The following MAN2A1 variants were observed in gnomAD, a reference collection of about 807,000 sequenced individuals.
The protein encoded by MAN2A1 is alpha-mannosidase 2.
A neutral mutation model predicts 142.6 loss-of-function variants in MAN2A1; 76 were observed. The observed-to-expected ratio is 0.53, with a 90% CI of 0.44 to 0.65. The LOEUF is 0.65. Among genes scored for constraint, MAN2A1 ranks in the 30% least tolerant of loss-of-function variants. MAN2A1 has a pLI of 0.00. For missense variants in MAN2A1, 1,311 were observed against 1,365.1 expected (o/e 0.96, Z 0.62); for synonymous variants, 559 against 473.2 (o/e 1.18, Z -2.35).
chr5:109,825,632 C>T (rs555352690), intron 16 of MAN2A1, among the ~76,000 whole-genome samples: 1 of 152,248 alleles, frequency 6.6e-6, no homozygotes, highest in South Asian at 2.1e-4. Context: ...AATTAATAGG[C>T]TCTGACTTGC....
intron 15 of MAN2A1, among the ~76,000 whole-genome samples, 195 bp downstream of exon 15, chr5:109,820,537 A>C (rs1455535873): frequency 6.6e-6 from 1 of 152,230 alleles, no homozygotes; most frequent in Admixed American, 6.5e-5. Context: ...GGTTGGGCGC[A>C]GTGGCTCACA....
At chr5:109,703,663 G>C (rs1444652446) in intron 1 of MAN2A1, among the ~76,000 whole-genome samples, 1 of 152,188 alleles carries the variant, frequency 6.6e-6, no homozygotes, top group African/African-American at 2.4e-5. Flanking sequence ...CTGAATTAAA[G>C]AAAGAGTTCT....
At chr5:109,796,874 A>G in intron 12 of MAN2A1, among the ~76,000 whole-genome samples, 1 of 152,168 alleles carries the variant, frequency 6.6e-6, no homozygotes, top group East Asian at 1.9e-4. Flanking sequence ...GACATTATTA[A>G]CAAACTGGCC....
intron 12 of MAN2A1, among the ~76,000 whole-genome samples, chr5:109,812,240 A>C (rs964692027): frequency 6.6e-6 from 1 of 152,182 alleles, no homozygotes. Context: ...TAACTTGTCC[A>C]AAGCCTCTGA....
intron 13 of MAN2A1, among the ~76,000 whole-genome samples, chr5:109,817,959 T>C (rs1754513760): frequency 6.6e-6 from 1 of 152,104 alleles, no homozygotes; most frequent in Non-Finnish European, 1.5e-5. Context: ...AGTTAATAGG[T>C]ATTTTTTGTG....
chr5:109,762,449 T>C (rs1210050790), intron 5 of MAN2A1, among the ~76,000 whole-genome samples: 1 of 152,122 alleles, frequency 6.6e-6, no homozygotes, highest in Non-Finnish European at 1.5e-5. Context: ...TTTGGCTCAT[T>C]TGTTCTTTTT....
At chr5:109,766,639 G>A (rs1752998942) in intron 5 of MAN2A1, among the ~76,000 whole-genome samples, 1 of 151,992 alleles carries the variant, frequency 6.6e-6, no homozygotes, top group African/African-American at 2.4e-5. Flanking sequence ...ACTCGTTTTT[G>A]TAACTGTGGG....
In MAN2A1 at chr5:109,819,016, C is replaced by T. The variant is rs531497141; in HGVS notation, c.2110-653C>T. 3.3e-5 allele frequency among the ~76,000 whole-genome samples: 5 copies of T among 152,290 alleles called. No individual in the cohort carries two copies. In the South Asian group the frequency reaches 8.3e-4, roughly 25 times the overall value. On this transcript the variant is annotated intron_variant, in intron 13 of 21. Coordinates refer to ENST00000261483, the MANE Select transcript of MAN2A1 (RefSeq NM_002372.4). The stretch of plus-strand genomic sequence containing the variant: ...AGATGATCCCTGACTTACAATGGCT[C>T]AACCTAGATTTTTCAATTTTATAAT...
In MAN2A1 at chr5:109,844,561, G is replaced by A. The variant is rs188611366; in HGVS notation, c.2701-1304G>A. ...AAGGCTGCCATACAAATGGAATCAC[G>A]TAAAACAACAAAACTTTATTCTTTC... is the stretch of plus-strand genomic sequence containing the variant. On this transcript the variant is annotated intron_variant, in intron 17 of 21. Coordinates refer to ENST00000261483, the MANE Select transcript of MAN2A1 (RefSeq NM_002372.4). Among the ~76,000 whole-genome samples, 253 of 151,860 alleles carry A rather than the reference G, an allele frequency of 1.7e-3. 1 individual carries two copies. Among genetic ancestry groups the A allele is most frequent in the Non-Finnish European group, 2.5e-3 (167 of 67,942 alleles).
At chr5:109,763,405 A>G (rs1277211820) in intron 5 of MAN2A1, among the ~76,000 whole-genome samples, 1 of 152,042 alleles carries the variant, frequency 6.6e-6, no homozygotes, top group Non-Finnish European at 1.5e-5. Flanking sequence ...AATATAAGGA[A>G]CATATCTGAG....
intron 17 of MAN2A1, among the ~76,000 whole-genome samples, chr5:109,843,125 T>A (rs1452165704): frequency 6.6e-6 from 1 of 152,094 alleles, no homozygotes; most frequent in Non-Finnish European, 1.5e-5. Context: ...ATTAGCCCAC[T>A]CTCACACTGC....
At chr5:109,693,664 A>T (rs145962905) in intron 1 of MAN2A1, among the ~76,000 whole-genome samples, 1 of 152,006 alleles carries the variant, frequency 6.6e-6, no homozygotes, top group East Asian at 1.9e-4. Context: ...ACTCTGGGGC[A>T]AGAGTGGGCT....
rs1049903186 is a variant in MAN2A1 at position 109,865,332 on chromosome 5, G to A, written c.3282+186G>A. ...CTCAAAACTTCAGCCTCCTTTCCTTGTTGACATCAAAAGGCATAGCTGGAA... is the reference window on the plus strand; with the variant it reads ...CTCAAAACTTCAGCCTCCTTTCCTTATTGACATCAAAAGGCATAGCTGGAA... On this transcript the variant is annotated intron_variant, in intron 21 of 21. Coordinates refer to ENST00000261483, the MANE Select transcript of MAN2A1 (RefSeq NM_002372.4). The A allele has an allele frequency of 5.2e-6, 3 of 573,984 alleles. No homozygotes were observed. The African/African-American group carries it at 5.6e-5, about 11-fold the overall frequency. The allele number at this position is 573,984 out of a possible 1,614,324, so 35.6% of individuals were successfully genotyped here.
At chr5:109,784,653 TA>T (rs1753549590) in intron 9 of MAN2A1, 90 bp from the exon 10 acceptor site, 3 of 1,007,944 alleles carry the variant, frequency 3.0e-6, no homozygotes, top group African/African-American at 1.6e-5. Flanking sequence ...AATTATGGAT[TA>T]AAAAATTTGT....
chr5:109,842,740 A>G (rs76206756), intron 17 of MAN2A1, among the ~76,000 whole-genome samples: 2 of 151,476 alleles, frequency 1.3e-5, no homozygotes, highest in Admixed American at 1.3e-4. Context: ...ATGCTAAAAA[A>G]TATATATATG....
intron 10 of MAN2A1, among the ~76,000 whole-genome samples, chr5:109,786,369 G>T (rs1002397073): frequency 6.6e-6 from 1 of 151,880 alleles, no homozygotes; most frequent in Non-Finnish European, 1.5e-5. Context: ...TTCCTACACC[G>T]CCCACTTGCT....
chr5:109,842,943 C>T (rs1352303218), intron 17 of MAN2A1, among the ~76,000 whole-genome samples: 2 of 151,728 alleles, frequency 1.3e-5, no homozygotes, highest in Non-Finnish European at 2.9e-5. Context: ...GTAGCTGGCA[C>T]TACAGGCGCA....
rs542780308 is a variant in MAN2A1 at position 109,765,789 on chromosome 5, A to T, written c.836-1746A>T. 2.1e-4 allele frequency among the ~76,000 whole-genome samples: 32 copies of T among 152,188 alleles called. No homozygotes were observed. In the South Asian group the frequency reaches 6.0e-3, roughly 29 times the overall value. On this transcript the variant is annotated intron_variant, in intron 5 of 21. Transcript: ENST00000261483. Reference sequence around the variant, plus strand: ...AATGCATTATTTATTTTCACACCTCAGTTGTCCCAGATTTGGCCATTAGAA... The same window carrying T: ...AATGCATTATTTATTTTCACACCTCTGTTGTCCCAGATTTGGCCATTAGAA...
At chr5:109,690,765 C>T (rs1344070272) in intron 1 of MAN2A1, among the ~76,000 whole-genome samples, 1 of 152,164 alleles carries the variant, frequency 6.6e-6, no homozygotes, top group Non-Finnish European at 1.5e-5. Context: ...CGGCGTGCGG[C>T]GGCGGCGGCG....
Sources: gnomAD v4.1 joint callset for allele counts (sites outside exome capture counted in the v4.1 genomes callset) on GRCh38, gnomAD v4.1.1 for gene constraint, MANE v1.5 for transcripts, NCBI Gene and HGNC (gene_info 2026-07-23, HGNC 2026-07-21) for gene names.